The following RANBP2 variants were observed in gnomAD, a reference collection of about 807,000 sequenced individuals.
RANBP2 encodes RAN binding protein 2.
RANBP2 carries 57 observed loss-of-function variants against 303.6 expected under a neutral mutation model. The observed-to-expected ratio is 0.19, with a 90% CI of 0.15 to 0.23. The LOEUF is 0.23. RANBP2 is among the 10% of genes least tolerant of loss of function. The pLI is 1.00. For synonymous variants in RANBP2, 1,167 were observed against 1,301.5 expected (o/e 0.90, Z 2.23); for missense variants, 3,138 against 3,780.8 (o/e 0.83, Z 4.46).
the RANBP2 span, among the ~76,000 whole-genome samples, chr2:109,524,088 T>G: frequency 6.6e-6 from 1 of 152,158 alleles, no homozygotes; most frequent in African/African-American, 2.4e-5. Flanking sequence ...CTCCCCAGCC[T>G]CACTGGGACT....
chr2:109,520,705 T>A, the RANBP2 span, among the ~76,000 whole-genome samples: 1 of 132,000 alleles, frequency 7.6e-6, no homozygotes, highest in Non-Finnish European at 1.7e-5. Flanking sequence ...CCAAGGCAGG[T>A]GGATCACCTG....
the RANBP2 span, among the ~76,000 whole-genome samples, chr2:109,477,372 T>G: frequency 3.3e-5 from 5 of 152,258 alleles, no homozygotes; most frequent in African/African-American, 1.2e-4. Flanking sequence ...ACCACAATCA[T>G]TCATTCCCCA....
rs759527479 is a variant in RANBP2, at chr2:108,748,925, A to T, written c.1069A>T (p.Met357Leu). 1 of 1,612,008 alleles carries T rather than the reference A, an allele frequency of 6.2e-7. No individual in the cohort carries two copies. Among genetic ancestry groups the T allele is most frequent in the South Asian group, 1.1e-5 (1 of 90,986 alleles). Residue 357 changes from methionine (M) to leucine (L), a missense_variant, in exon 9 of 29, where the codon ATG becomes TTG. Met to Leu is a conservative substitution (Grantham distance 15). Transcript: ENST00000283195. ...AACTTAAATTTTTTTTTCAGGGCACATGTTGCTAAACTTAAGTCGTGGCAA... is the reference window on the plus strand; with the variant it reads ...AACTTAAATTTTTTTTTCAGGGCACTTGTTGCTAAACTTAAGTCGTGGCAA... ...ACDRLSQSGH[M>L]LLNLSRGKQD...
the RANBP2 span, among the ~76,000 whole-genome samples, chr2:108,958,960 G>A: frequency 2.6e-5 from 4 of 152,368 alleles, no homozygotes; most frequent in East Asian, 7.7e-4. Flanking sequence ...TTCCCTGCAA[G>A]TCCTCAAGAA....
chr2:109,034,246 T>G, the RANBP2 span, among the ~76,000 whole-genome samples: 3 of 112,772 alleles, frequency 2.7e-5, no homozygotes, highest in African/African-American at 3.5e-5. Context: ...CACTCCAGCC[T>G]GGAGACACAG....
At chr2:108,783,534 A>G in intron 28 of RANBP2, 62 bp from the exon 29 acceptor site, 2 of 1,254,384 alleles carry the variant, frequency 1.6e-6, no homozygotes, top group Non-Finnish European at 2.3e-6. Flanking sequence ...TTAATATTTT[A>G]CTCAGGATTC....
At chr2:108,857,016 T>G in the RANBP2 span, 1 of 1,085,486 alleles carries the variant, frequency 9.2e-7, no homozygotes, top group South Asian at 1.5e-5. Flanking sequence ...GGATGATTTT[T>G]CTGTCTTTAT....
At chr2:109,295,467 T>A in the RANBP2 span, among the ~76,000 whole-genome samples, 1 of 152,168 alleles carries the variant, frequency 6.6e-6, no homozygotes, top group Admixed American at 6.5e-5. Flanking sequence ...GAGAGGACCC[T>A]GGGAGGTGAG....
At chr2:108,786,677 C>A, downstream of RANBP2, 2 of 709,596 alleles carry the variant, frequency 2.8e-6, no homozygotes, top group Non-Finnish European at 4.9e-6. Context: ...GCTGCAGTCT[C>A]CGGGTCGCCC....
the RANBP2 span, among the ~76,000 whole-genome samples, chr2:109,400,216 A>G: frequency 6.6e-6 from 1 of 152,146 alleles, no homozygotes; most frequent in African/African-American, 2.4e-5. Context: ...ACACACTTGC[A>G]CACATGCACG....
the RANBP2 span, among the ~76,000 whole-genome samples, chr2:109,034,814 C>T: frequency 6.6e-6 from 1 of 152,214 alleles, no homozygotes; most frequent in African/African-American, 2.4e-5. Flanking sequence ...CTCTCCTGTA[C>T]AGAGCACACT....
At chr2:109,055,418 G>A in the RANBP2 span, among the ~76,000 whole-genome samples, 1 of 143,064 alleles carries the variant, frequency 7.0e-6, no homozygotes, top group Non-Finnish European at 1.5e-5. Flanking sequence ...CTGGAATGAA[G>A]TGGCACAATC....
the RANBP2 span, among the ~76,000 whole-genome samples, chr2:108,799,113 T>C: frequency 3.3e-5 from 5 of 152,200 alleles, no homozygotes; most frequent in Non-Finnish European, 7.3e-5. Context: ...ATTTGGTTGT[T>C]ATATCTTTTT....
the RANBP2 span, among the ~76,000 whole-genome samples, chr2:109,253,007 T>C: frequency 1.3e-5 from 2 of 152,134 alleles, no homozygotes; most frequent in South Asian, 4.1e-4. Flanking sequence ...TAGACCCACA[T>C]GTGTAGCCTT....
the RANBP2 span, among the ~76,000 whole-genome samples, chr2:109,533,299 C>A: frequency 6.6e-6 from 1 of 152,246 alleles, no homozygotes; most frequent in Admixed American, 6.5e-5. Context: ...CACTGCTGAC[C>A]TGGGGATCCC....
rs563892767 is a variant in RANBP2 at position 108,753,983 on chromosome 2, G to A, written c.2202+12G>A. The A allele has an allele frequency of 1.2e-5, 19 of 1,611,708 alleles. No individual in the cohort carries two copies. The South Asian group carries it at 1.6e-4, about 14-fold the overall frequency. ...CAGTGGTCAAGAAAGTAAGTAGCAGGTTGTTGTATGTACGTTCTTACTGAT... is the reference window on the plus strand; with the variant it reads ...CAGTGGTCAAGAAAGTAAGTAGCAGATTGTTGTATGTACGTTCTTACTGAT... On this transcript the variant is annotated intron_variant, in intron 15 of 28. Transcript: ENST00000283195.
chr2:109,482,595 G>C, the RANBP2 span, among the ~76,000 whole-genome samples: 1 of 152,204 alleles, frequency 6.6e-6, no homozygotes, highest in African/African-American at 2.4e-5. Context: ...ACCCCTAAGA[G>C]GGGGAGAGCA....
the RANBP2 span, among the ~76,000 whole-genome samples, chr2:109,703,263 G>A: frequency 6.6e-6 from 1 of 152,148 alleles, no homozygotes; most frequent in Non-Finnish European, 1.5e-5. Flanking sequence ...TAATCACTGA[G>A]CTTTGAATTG....
chr2:109,262,709 T>C, the RANBP2 span, among the ~76,000 whole-genome samples: 3 of 152,280 alleles, frequency 2.0e-5, no homozygotes, highest in African/African-American at 7.2e-5. Context: ...GATAATTCTT[T>C]ATCCGCAAAT....
Sources: allele counts gnomAD v4.1 joint callset (sites outside exome capture counted in the v4.1 genomes callset), GRCh38; gene constraint gnomAD v4.1.1; transcripts MANE v1.5; gene names NCBI Gene and HGNC (gene_info 2026-07-23, HGNC 2026-07-21).